Variants in NOL4 observed in about 807,000 individuals in gnomAD.
NOL4 encodes the protein nucleolar protein 4.
NOL4 carries 17 observed loss-of-function variants against 75.9 expected under a neutral mutation model. The ratio of observed to expected loss-of-function variants is 0.22; its 90% CI spans 0.15 to 0.34. The LOEUF is 0.34. NOL4 is among the 10% of genes least tolerant of loss of function. The pLI is 1.00. For synonymous variants in NOL4, 292 were observed against 289.9 expected (o/e 1.01, Z -0.07); for missense variants, 614 against 793.5 (o/e 0.77, Z 2.72).
At chr18:34,149,226 T>C (rs1220005848) in intron 1 of NOL4, among the ~76,000 whole-genome samples, 1 of 151,654 alleles carries the variant, frequency 6.6e-6, no homozygotes, top group Non-Finnish European at 1.5e-5. Flanking sequence ...ATAGTGATTT[T>C]AATGATTAAA....
intron 1 of NOL4, among the ~76,000 whole-genome samples, chr18:34,176,107 A>G (rs1321414341): frequency 6.6e-6 from 1 of 152,120 alleles, no homozygotes; most frequent in African/African-American, 2.4e-5. Context: ...CACTAGCTGG[A>G]GAATATTAAT....
chr18:34,066,145 T>C, intron 5 of NOL4, among the ~76,000 whole-genome samples: 1 of 151,940 alleles, frequency 6.6e-6, no homozygotes, highest in Admixed American at 6.6e-5. Flanking sequence ...AGTGATTCAA[T>C]GTAATTTCTG....
In NOL4 at chr18:33,872,650, T is replaced by A. The variant is rs1172526340; in HGVS notation, c.1723+10594A>T. On this transcript the variant is annotated intron_variant, in intron 10 of 10. Transcript: ENST00000261592. The stretch of plus-strand genomic sequence containing the variant: ...TGAAACTTCTGTGATGATGGGAATG[T>A]TTCTTTGTGTTGTTAAATCAGTAGG... Among the ~76,000 whole-genome samples, 19 of 151,988 alleles carry A rather than the reference T, an allele frequency of 1.3e-4. No homozygotes were observed. The Admixed American group carries it at 1.3e-3, about 10-fold the overall frequency.
chr18:33,925,762 G>C (rs917731199), intron 9 of NOL4, among the ~76,000 whole-genome samples: 6 of 151,962 alleles, frequency 3.9e-5, no homozygotes, highest in African/African-American at 1.2e-4. Flanking sequence ...GGGAAATTCT[G>C]TTTCCAGTGG....
intron 9 of NOL4, among the ~76,000 whole-genome samples, chr18:33,887,099 A>G (rs1195948909): frequency 7.0e-6 from 1 of 142,562 alleles, no homozygotes; most frequent in Non-Finnish European, 1.5e-5. Context: ...AGATATAGAT[A>G]TATATATCTC....
chr18:34,033,698 A>G (rs974300396), intron 5 of NOL4, among the ~76,000 whole-genome samples: 1 of 152,280 alleles, frequency 6.6e-6, no homozygotes, highest in Middle Eastern at 3.4e-3. Flanking sequence ...GGAGGTTCTG[A>G]GATCCCCAAA....
rs1164124196 is a variant in NOL4 at position 33,883,220 on chromosome 18, A to AC, written c.1723+23dup. 1.0e-5 allele frequency: 16 copies of AC among 1,537,266 alleles called. No individual in the cohort carries two copies. In the East Asian group the frequency reaches 1.6e-4, roughly 15 times the overall value. On this transcript the variant is annotated intron_variant, in intron 10 of 10. Transcript: ENST00000261592. The stretch of plus-strand genomic sequence containing the variant: ...TTAAAGTATAATAATTAAAAAAAAA[A>AC]CACAATCTATGATAAATACTCACCA...
At chr18:33,979,093 T>C (rs1186441748) in intron 6 of NOL4, among the ~76,000 whole-genome samples, 1 of 152,136 alleles carries the variant, frequency 6.6e-6, no homozygotes, top group Non-Finnish European at 1.5e-5. Flanking sequence ...GGTAGGTATG[T>C]GAGAAATGGT....
At position 34,086,508 on chromosome 18, in the gene NOL4, T is replaced by C. The variant is rs557599006; in HGVS notation, c.772+6957A>G. Among the ~76,000 whole-genome samples, 3 of 152,300 alleles carry C rather than the reference T, an allele frequency of 2.0e-5. No individual in the cohort carries two copies. In the South Asian group the frequency reaches 6.2e-4, roughly 32 times the overall value. ...AAGTTAACCACTGAATTTAATTTCC[T>C]ATTCAGTATACTGTTTTACATCACT... On this transcript the variant is annotated intron_variant, in intron 5 of 10. Transcript: ENST00000261592.
chr18:33,883,210 T>TA (rs199947605), intron 10 of NOL4, 34 bp downstream of exon 10: 122,471 of 1,292,002 alleles, frequency 0.095, 2,139 homozygotes, highest in East Asian at 0.15. Context: ...GTATAATAAT[T>TA]AAAAAAAAAA....
chr18:33,869,690 T>C (rs1029462521), intron 10 of NOL4, among the ~76,000 whole-genome samples: 15 of 152,056 alleles, frequency 9.9e-5, no homozygotes, highest in Admixed American at 3.9e-4. Context: ...TCATATGAAA[T>C]ATAGAGTATT....
intron 6 of NOL4, among the ~76,000 whole-genome samples, chr18:33,981,889 C>T (rs2071990419): frequency 6.6e-6 from 1 of 151,898 alleles, no homozygotes; most frequent in Non-Finnish European, 1.5e-5. Flanking sequence ...TGTGTGATAA[C>T]AAGAACATAA....
At chr18:33,862,893 C>T (rs1249166732) in intron 10 of NOL4, among the ~76,000 whole-genome samples, 3 of 152,162 alleles carry the variant, frequency 2.0e-5, no homozygotes, top group Admixed American at 6.5e-5. Context: ...ACTAGAAATA[C>T]CATTTGACCC....
At chr18:34,001,512 A>AAGTAATGGAT (rs2073703611) in intron 6 of NOL4, among the ~76,000 whole-genome samples, 1 of 152,098 alleles carries the variant, frequency 6.6e-6, no homozygotes. Flanking sequence ...GACACAGTCT[A>AAGTAATGGAT]AGTAATGGAT....
intron 1 of NOL4, among the ~76,000 whole-genome samples, chr18:34,194,481 CA>C (rs2035176488): frequency 1.3e-5 from 2 of 150,462 alleles, no homozygotes; most frequent in African/African-American, 4.9e-5. Flanking sequence ...GGCAGGCAGG[CA>C]GGCAGGCGAG....
intron 1 of NOL4, among the ~76,000 whole-genome samples, chr18:34,213,000 T>C (rs1311072827): frequency 6.6e-6 from 1 of 152,114 alleles, no homozygotes; most frequent in African/African-American, 2.4e-5. Flanking sequence ...ATAATAACTA[T>C]GAGAGTTATG....
intron 9 of NOL4, among the ~76,000 whole-genome samples, chr18:33,894,253 A>C (rs2144870737): frequency 6.6e-6 from 1 of 152,214 alleles, no homozygotes; most frequent in East Asian, 1.9e-4. Context: ...GCTAAGAAAA[A>C]CTGTCTGCAG....
chr18:34,127,880 C>T (rs2080456815), intron 2 of NOL4, among the ~76,000 whole-genome samples: 1 of 151,822 alleles, frequency 6.6e-6, no homozygotes. Context: ...GGTGACAACA[C>T]TTTAGATGTG....
chr18:34,077,708 T>A (rs959869711), intron 5 of NOL4, among the ~76,000 whole-genome samples: 1 of 152,138 alleles, frequency 6.6e-6, no homozygotes, highest in Non-Finnish European at 1.5e-5. Flanking sequence ...CTTTCATTCA[T>A]ATGAAATAAT....
Sources: allele counts gnomAD v4.1 joint callset (sites outside exome capture counted in the v4.1 genomes callset), GRCh38; gene constraint gnomAD v4.1.1; transcripts MANE v1.5; gene names NCBI Gene and HGNC (gene_info 2026-07-23, HGNC 2026-07-21).